The following ACTR2 variants were observed in gnomAD, a reference collection of about 807,000 sequenced individuals.
ACTR2 encodes the protein actin related protein 2.
In ACTR2, 5 loss-of-function variants were observed where a neutral mutation model predicts 50.2. That is an observed-to-expected ratio of 0.10 (90% CI 0.05 to 0.21). The LOEUF is 0.21. Ranked by LOEUF, ACTR2 falls within the 10% of genes least tolerant of loss-of-function variation. The probability of loss-of-function intolerance (pLI) is 1.00; values close to 1 mark genes in which losing one functional copy is unlikely to be tolerated. For missense variants in ACTR2, 180 were observed against 480.6 expected (o/e 0.37, Z 5.85); for synonymous variants, 140 against 162.9 (o/e 0.86, Z 1.07).
intron 2 of ACTR2, chr2:65,242,675 T>G (rs548216741): frequency 2.0e-6 from 1 of 509,352 alleles, no homozygotes; most frequent in South Asian, 1.4e-5. Flanking sequence ...AACAACAGAT[T>G]TCCCCCCCAA....
intron 4 of ACTR2, 56 bp downstream of exon 4, chr2:65,251,155 T>C: frequency 7.8e-7 from 1 of 1,278,360 alleles, no homozygotes; most frequent in South Asian, 1.4e-5. Context: ...ATTATGTATG[T>C]TTTATGTCAG....
chr2:65,227,939 G>C lies in ACTR2; in HGVS notation c.30G>C (p.Val10=). The change falls in exon 1 of 9, where the codon GTG becomes GTC. Residue 10 remains valine, a synonymous_variant. Coordinates refer to ENST00000260641, the MANE Select transcript of ACTR2 (RefSeq NM_005722.4). MDSQGRKVV[V]CDNGTGFVKC... ...ACAGCCAGGGCAGGAAGGTGGTGGTGTGCGACAACGGCACCGGGGTAAGGG... is the reference window on the plus strand; with the variant it reads ...ACAGCCAGGGCAGGAAGGTGGTGGTCTGCGACAACGGCACCGGGGTAAGGG... 6.6e-7 allele frequency: 1 copy of C among 1,523,012 alleles called. No homozygotes were observed. The highest frequency in any genetic ancestry group is 8.8e-7 in the Non-Finnish European group (1 of 1,136,300). The allele number at this position is 1,523,012 out of a possible 1,614,324, so 94.3% of individuals were successfully genotyped here.
chr2:65,231,353 T>G (rs1573145066), intron 1 of ACTR2, among the ~76,000 whole-genome samples: 1 of 152,170 alleles, frequency 6.6e-6, no homozygotes, highest in East Asian at 1.9e-4. Context: ...CCGCTTAGAT[T>G]GTGTATTCTG....
chr2:65,255,043 T>C (rs2104009120), intron 5 of ACTR2, among the ~76,000 whole-genome samples: 1 of 152,320 alleles, frequency 6.6e-6, no homozygotes. Context: ...ATGGAGATTA[T>C]ACCTTTGAGT....
At chr2:65,228,818 T>G (rs1175334095) in intron 1 of ACTR2, among the ~76,000 whole-genome samples, 1 of 152,298 alleles carries the variant, frequency 6.6e-6, no homozygotes, top group Non-Finnish European at 1.5e-5. Flanking sequence ...GAAAATTGTT[T>G]CTGTAATCCC....
In ACTR2 at chr2:65,263,140, C is replaced by T. The variant is rs149946641; in HGVS notation, c.881+1748C>T. ...ACTGCAACCTGGGTGGAGTGATTCT[C>T]CTGCCTCAGCCTCCCAAGTAGCTGG... On this transcript the variant is annotated intron_variant, in intron 7 of 8. Coordinates refer to ENST00000260641, the MANE Select transcript of ACTR2 (RefSeq NM_005722.4). Among the ~76,000 whole-genome samples, 1,451 of 151,704 alleles carry T rather than the reference C, an allele frequency of 9.6e-3. 10 individuals carry two copies. The highest frequency in any genetic ancestry group is 0.015 in the Non-Finnish European group (995 of 67,898).
chr2:65,239,837 A>G lies in ACTR2; in HGVS notation c.49-15A>G, dbSNP rs1671809300. On this transcript the variant is annotated splice_polypyrimidine_tract_variant and intron_variant, in intron 1 of 8. Transcript: ENST00000260641. ...CCTGATGCTAACCCACTTTTATTTT[A>G]CTGTTTCATTCCAGTTTGTGAAGTG... 3 of 1,483,680 alleles carry G rather than the reference A, an allele frequency of 2.0e-6. No homozygotes were observed. The highest frequency in any genetic ancestry group is 1.7e-5 in the Admixed American group (1 of 59,648). The allele number at this position is 1,483,680 out of a possible 1,614,324, so 91.9% of individuals were successfully genotyped here.
intron 2 of ACTR2, among the ~76,000 whole-genome samples, chr2:65,240,634 A>G (rs1297266089): frequency 6.6e-6 from 1 of 152,214 alleles, no homozygotes; most frequent in Admixed American, 6.5e-5. Flanking sequence ...GAAATCAAGT[A>G]GGAGTTACAA....
chr2:65,255,440 A>G, intron 5 of ACTR2, 105 bp from the exon 6 acceptor site: 1 of 977,514 alleles, frequency 1.0e-6, no homozygotes, highest in African/African-American at 1.6e-5. Context: ...TCCACTGCCC[A>G]TTCTGTTTGT....
chr2:65,243,864 C>T (rs1302028834), intron 2 of ACTR2, among the ~76,000 whole-genome samples: 2 of 151,914 alleles, frequency 1.3e-5, no homozygotes, highest in Non-Finnish European at 2.9e-5. Context: ...TGTTCAGTGG[C>T]GGGGCAGGTG....
chr2:65,239,454 CAAAACA>C (rs1031187830), intron 1 of ACTR2, among the ~76,000 whole-genome samples: 3 of 152,194 alleles, frequency 2.0e-5, no homozygotes, highest in Non-Finnish European at 4.4e-5. Context: ...AACTCCGTCT[CAAAACA>C]AAAACAAAAA....
At chr2:65,228,589 G>C (rs1036147644) in intron 1 of ACTR2, 1 of 152,040 alleles carries the variant, frequency 6.6e-6, no homozygotes, top group Non-Finnish European at 1.5e-5. Flanking sequence ...CCCAGGAGTA[G>C]GCCCACGGAG....
At chr2:65,255,782 C>A in intron 6 of ACTR2, 88 bp downstream of exon 6, 1 of 1,278,560 alleles carries the variant, frequency 7.8e-7, no homozygotes, top group Non-Finnish European at 1.1e-6. Flanking sequence ...TTCTTAGAAT[C>A]AGTATTTTTG....
chr2:65,232,995 T>A (rs1458078652), intron 1 of ACTR2, among the ~76,000 whole-genome samples: 2 of 147,460 alleles, frequency 1.4e-5, no homozygotes, highest in African/African-American at 4.9e-5. Context: ...CATCATGGTT[T>A]AGTTTTTTTT....
intron 3 of ACTR2, among the ~76,000 whole-genome samples, chr2:65,248,396 T>A (rs905713177): frequency 6.6e-6 from 1 of 151,724 alleles, no homozygotes; most frequent in African/African-American, 2.4e-5. Flanking sequence ...TGAGACTCAG[T>A]CTCAAAAAGA....
chr2:65,258,652 G>A (rs1558627887), intron 6 of ACTR2, among the ~76,000 whole-genome samples: 1 of 152,040 alleles, frequency 6.6e-6, no homozygotes, highest in Non-Finnish European at 1.5e-5. Context: ...ATATACACAA[G>A]TATAAAGTAA....
intron 7 of ACTR2, among the ~76,000 whole-genome samples, chr2:65,263,614 T>C (rs933863580): frequency 6.6e-6 from 1 of 152,234 alleles, no homozygotes; most frequent in Admixed American, 6.5e-5. Flanking sequence ...AATTGACTCA[T>C]AACAAGCTAT....
chr2:65,265,372 G>A (rs1041942332), intron 8 of ACTR2, 197 bp downstream of exon 8: 3 of 666,694 alleles, frequency 4.5e-6, no homozygotes, highest in African/African-American at 1.8e-5. Flanking sequence ...GTTGGTGGAT[G>A]GAGGCAGTGA....
chr2:65,261,558 CTT>C (rs1672268660), intron 7 of ACTR2, among the ~76,000 whole-genome samples, 166 bp downstream of exon 7: 1 of 152,140 alleles, frequency 6.6e-6, no homozygotes, highest in South Asian at 2.1e-4. Flanking sequence ...ATGCAGAAAA[CTT>C]ATCTGTATCC....
Sources: gnomAD v4.1 joint callset for allele counts (sites outside exome capture counted in the v4.1 genomes callset) on GRCh38, gnomAD v4.1.1 for gene constraint, MANE v1.5 for transcripts, NCBI Gene and HGNC (gene_info 2026-07-23, HGNC 2026-07-21) for gene names.